Variants in AKAP6 observed in about 807,000 individuals in gnomAD.
The protein encoded by AKAP6 is A-kinase anchor protein 6.
AKAP6 carries 58 observed loss-of-function variants against 188.5 expected under a neutral mutation model. That is an observed-to-expected ratio of 0.31 (90% CI 0.25 to 0.38). AKAP6 has a LOEUF of 0.38. Among genes scored for constraint, AKAP6 ranks in the 10% least tolerant of loss-of-function variants. The pLI is 1.00. For missense variants in AKAP6, 2,710 were observed against 2,740.0 expected, an observed-to-expected ratio of 0.99 and a Z score of 0.24; for synonymous variants, 989 against 998.6, an observed-to-expected ratio of 0.99 and a Z score of 0.18.
chr14:32,492,363 G>T (rs868701190), intron 2 of AKAP6, among the ~76,000 whole-genome samples: 6,736 of 76,924 alleles, frequency 0.088, 225 homozygotes, highest in African/African-American at 0.12. Context: ...TATAGAGAGA[G>T]AGAGAGAGAG....
intron 12 of AKAP6, among the ~76,000 whole-genome samples, chr14:32,786,573 C>G (rs2033429536): frequency 6.6e-6 from 1 of 151,844 alleles, no homozygotes. Flanking sequence ...ATCTGCCTGC[C>G]TCGGCCTCCC....
intron 2 of AKAP6, among the ~76,000 whole-genome samples, chr14:32,482,999 A>ATGTG (rs1466607038): frequency 2.0e-3 from 102 of 51,102 alleles, no homozygotes; most frequent in African/African-American, 0.017. Context: ...GTATATATAT[A>ATGTG]TATATATATA....
chr14:32,593,885 G>A (rs768284071), intron 5 of AKAP6, among the ~76,000 whole-genome samples: 13 of 152,146 alleles, frequency 8.5e-5, no homozygotes, highest in Non-Finnish European at 7.4e-5. Context: ...GGGAAGGCCT[G>A]TGCTGGGTAG....
intron 9 of AKAP6, among the ~76,000 whole-genome samples, chr14:32,729,624 G>A (rs1469194294): frequency 6.6e-5 from 10 of 151,952 alleles, no homozygotes; most frequent in Non-Finnish European, 1.5e-5. Context: ...TCTATTAGGA[G>A]GCTTCATTAG....
At chr14:32,747,816 T>C (rs974689739) in intron 11 of AKAP6, among the ~76,000 whole-genome samples, 1 of 152,264 alleles carries the variant, frequency 6.6e-6, no homozygotes, top group African/African-American at 2.4e-5. Flanking sequence ...CAATTCTTTC[T>C]GATTACATAT....
intron 8 of AKAP6, among the ~76,000 whole-genome samples, chr14:32,694,797 G>A (rs1188345271): frequency 6.6e-6 from 1 of 151,890 alleles, no homozygotes; most frequent in Non-Finnish European, 1.5e-5. Flanking sequence ...GTTATTAAAA[G>A]TGGATTTTCA....
chr14:32,781,558 T>C (rs915529446), intron 12 of AKAP6, among the ~76,000 whole-genome samples: 2 of 152,110 alleles, frequency 1.3e-5, no homozygotes, highest in Non-Finnish European at 2.9e-5. Flanking sequence ...ATATTTTTCA[T>C]TCTCATTCCT....
At chr14:32,360,761 T>C (rs1034829882) in intron 1 of AKAP6, among the ~76,000 whole-genome samples, 7 of 142,684 alleles carry the variant, frequency 4.9e-5, no homozygotes, top group African/African-American at 1.8e-4. Flanking sequence ...GCATGCATTT[T>C]TTGAGACATG....
chr14:32,543,859 G>T (rs1400330881), intron 3 of AKAP6, among the ~76,000 whole-genome samples: 2 of 152,250 alleles, frequency 1.3e-5, no homozygotes, highest in Non-Finnish European at 2.9e-5. Context: ...GACGGCAGAA[G>T]AAAATTTTAA....
rs2034844456 is a variant in AKAP6, at chr14:32,833,692, T to C, written c.*3887T>C. On this transcript the variant is annotated 3_prime_UTR_variant, in exon 14 of 14. Transcript: ENST00000280979. ...TCCAGGTCTGTCTTACAAGTCAATT[T>C]GCTTTAGCTTCCAAAAGAAGTTGAA... 6.6e-6 allele frequency: 1 copy of C among 152,242 alleles called. No individual in the cohort carries two copies. 9.4% of individuals were successfully genotyped at this position (152,242 alleles called of 1,614,324 possible).
intron 12 of AKAP6, among the ~76,000 whole-genome samples, chr14:32,802,216 T>G (rs545603434): frequency 6.6e-6 from 1 of 152,310 alleles, no homozygotes; most frequent in African/African-American, 2.4e-5. Context: ...GTAATTATGT[T>G]ATACCACTCA....
At chr14:32,771,120 G>A (rs2032883704) in intron 11 of AKAP6, among the ~76,000 whole-genome samples, 1 of 152,084 alleles carries the variant, frequency 6.6e-6, no homozygotes, top group Admixed American at 6.6e-5. Flanking sequence ...GATTACGAAT[G>A]CATATGTATA....
chr14:32,665,614 A>T (rs541612984), intron 7 of AKAP6, among the ~76,000 whole-genome samples: 2 of 152,234 alleles, frequency 1.3e-5, no homozygotes, highest in South Asian at 4.1e-4. Context: ...ATTCCCCCAC[A>T]GTATAGGGTG....
chr14:32,523,079 A>G (rs1881929946), intron 2 of AKAP6, among the ~76,000 whole-genome samples: 1 of 152,132 alleles, frequency 6.6e-6, no homozygotes, highest in Non-Finnish European at 1.5e-5. Context: ...CACCAAGGAC[A>G]AAAAACCAAA....
intron 4 of AKAP6, among the ~76,000 whole-genome samples, chr14:32,560,937 C>G (rs1883931267): frequency 6.6e-6 from 1 of 152,122 alleles, no homozygotes; most frequent in African/African-American, 2.4e-5. Context: ...TACATCACTT[C>G]ATTTAATTCT....
chr14:32,609,884 C>CTG (rs1886282548), intron 7 of AKAP6, among the ~76,000 whole-genome samples: 2 of 70,422 alleles, frequency 2.8e-5, no homozygotes, highest in Admixed American at 1.5e-4. Flanking sequence ...CTCTCTGACA[C>CTG]ACACACACAC....
At chr14:32,415,352 C>T (rs866751858) in intron 1 of AKAP6, among the ~76,000 whole-genome samples, 13 of 151,974 alleles carry the variant, frequency 8.6e-5, no homozygotes, top group Non-Finnish European at 1.8e-4. Flanking sequence ...AGGTTGTATC[C>T]GGAATTGTTT....
chr14:32,748,605 A>G (rs1459062647), intron 11 of AKAP6, among the ~76,000 whole-genome samples: 3 of 152,202 alleles, frequency 2.0e-5, no homozygotes, highest in Admixed American at 1.3e-4. Context: ...GAACTGAATT[A>G]TCTATTAATT....
At chr14:32,494,849 G>C (rs1880227251) in intron 2 of AKAP6, among the ~76,000 whole-genome samples, 1 of 152,122 alleles carries the variant, frequency 6.6e-6, no homozygotes, top group Admixed American at 6.5e-5. Flanking sequence ...TATAACTTCA[G>C]TGTTTCCCGT....
Sources: gnomAD v4.1 joint callset for allele counts (sites outside exome capture counted in the v4.1 genomes callset) on GRCh38, gnomAD v4.1.1 for gene constraint, MANE v1.5 for transcripts, NCBI Gene and HGNC (gene_info 2026-07-23, HGNC 2026-07-21) for gene names.